TLL1: variants seen among roughly 807,000 people sequenced by gnomAD.
TLL1 encodes tolloid-like protein 1.
Under a neutral mutation model 128.2 loss-of-function variants are expected in TLL1, and 49 were observed. That is an observed-to-expected ratio of 0.38 (90% CI 0.30 to 0.48). The LOEUF is 0.48. Among genes scored for constraint, TLL1 ranks in the 20% least tolerant of loss-of-function variants. TLL1 has a pLI of 0.96. For missense variants in TLL1, 1,123 were observed against 1,242.0 expected (o/e 0.90, Z 1.44); for synonymous variants, 454 against 418.8 (o/e 1.08, Z -1.03).
intron 1 of TLL1, among the ~76,000 whole-genome samples, chr4:165,939,036 C>G (rs1733884315): frequency 6.6e-6 from 1 of 150,958 alleles, no homozygotes; most frequent in Non-Finnish European, 1.5e-5. Flanking sequence ...GAATATGTTT[C>G]TCAGCTATCT....
chr4:166,006,543 A>G (rs1490244765), intron 6 of TLL1, among the ~76,000 whole-genome samples: 1 of 151,770 alleles, frequency 6.6e-6, no homozygotes, highest in Admixed American at 6.6e-5. Context: ...ATAAAATTAG[A>G]TCCATAGCTT....
chr4:166,025,032 T>C (rs1015072508), intron 8 of TLL1, among the ~76,000 whole-genome samples: 3 of 152,170 alleles, frequency 2.0e-5, no homozygotes, highest in African/African-American at 7.2e-5. Context: ...GGCTACTGGC[T>C]CCTTGGAAAT....
chr4:165,918,098 A>T (rs4691226), intron 1 of TLL1, among the ~76,000 whole-genome samples: 77,774 of 152,028 alleles, frequency 0.51, 21,528 homozygotes, highest in East Asian at 0.98. Context: ...ATGCATAAGA[A>T]GATAGTATAG....
chr4:166,084,773 G>A (rs57205479), intron 18 of TLL1, among the ~76,000 whole-genome samples: 213 of 152,128 alleles, frequency 1.4e-3, no homozygotes, highest in African/African-American at 5.0e-3. Flanking sequence ...ACGCTGTTTC[G>A]GTTACAATAG....
At chr4:166,099,149 A>T in intron 19 of TLL1, 128 bp from the exon 20 acceptor site, 2 of 1,445,484 alleles carry the variant, frequency 1.4e-6, no homozygotes, top group South Asian at 1.2e-5. Flanking sequence ...TGTGGAAAAC[A>T]TATCTGACGC....
chr4:166,038,408 A>C (rs1161435122), intron 9 of TLL1, among the ~76,000 whole-genome samples: 4 of 152,070 alleles, frequency 2.6e-5, no homozygotes, highest in Non-Finnish European at 5.9e-5. Flanking sequence ...CACAATTTCT[A>C]GAGTAGAGAA....
At chr4:166,017,426 C>G (rs1025336897) in intron 8 of TLL1, among the ~76,000 whole-genome samples, 1 of 151,832 alleles carries the variant, frequency 6.6e-6, no homozygotes, top group Non-Finnish European at 1.5e-5. Flanking sequence ...TTCGGTGGTA[C>G]GATTTATTTT....
chr4:165,903,889 G>T (rs554008300), intron 1 of TLL1, among the ~76,000 whole-genome samples: 9 of 151,992 alleles, frequency 5.9e-5, no homozygotes, highest in Admixed American at 5.9e-4. Context: ...AATTCATCAA[G>T]GGGTATACAT....
At chr4:166,077,822 G>T (rs556966513) in intron 17 of TLL1, 81 bp from the exon 18 acceptor site, 1 of 1,598,498 alleles carries the variant, frequency 6.3e-7, no homozygotes, top group African/African-American at 1.3e-5. Context: ...CAACAGGGCA[G>T]TGGGTAAATA....
At chr4:165,889,837 T>A (rs1731317147) in intron 1 of TLL1, among the ~76,000 whole-genome samples, 1 of 152,226 alleles carries the variant, frequency 6.6e-6, no homozygotes, top group Admixed American at 6.5e-5. Flanking sequence ...TTGAATTGAT[T>A]TACATTGTTG....
intron 9 of TLL1, among the ~76,000 whole-genome samples, chr4:166,027,724 A>G (rs1318474108): frequency 1.3e-5 from 2 of 152,176 alleles, no homozygotes; most frequent in African/African-American, 2.4e-5. Context: ...AGTTTAAAGT[A>G]TACATGATTT....
intron 15 of TLL1, among the ~76,000 whole-genome samples, chr4:166,064,864 A>G (rs1297017757): frequency 6.6e-6 from 1 of 152,136 alleles, no homozygotes; most frequent in Non-Finnish European, 1.5e-5. Flanking sequence ...TTGAGTTGAC[A>G]TATTTCAAAG....
chr4:166,009,770 G>A (rs1358906561), intron 7 of TLL1, among the ~76,000 whole-genome samples: 1 of 150,990 alleles, frequency 6.6e-6, no homozygotes, highest in Non-Finnish European at 1.5e-5. Flanking sequence ...TTTGACATAG[G>A]TCTCATTCTG....
chr4:166,089,484 T>C (rs1560863981), intron 18 of TLL1, among the ~76,000 whole-genome samples: 1 of 152,170 alleles, frequency 6.6e-6, no homozygotes, highest in Non-Finnish European at 1.5e-5. Flanking sequence ...CAGAATCTTC[T>C]GCATCCTACG....
intron 3 of TLL1, among the ~76,000 whole-genome samples, chr4:165,993,866 T>A (rs1432787170): frequency 6.6e-6 from 1 of 152,110 alleles, no homozygotes; most frequent in East Asian, 1.9e-4. Context: ...TACGGGAGGC[T>A]GAGACCATAT....
At chr4:166,086,961 T>A (rs575871504) in intron 18 of TLL1, among the ~76,000 whole-genome samples, 2 of 152,242 alleles carry the variant, frequency 1.3e-5, no homozygotes, top group Admixed American at 1.3e-4. Context: ...ACAAAGAAAT[T>A]GCAGTCAAAA....
At chr4:165,998,531 T>C (rs570120593) in intron 5 of TLL1, among the ~76,000 whole-genome samples, 5 of 152,174 alleles carry the variant, frequency 3.3e-5, no homozygotes, top group Admixed American at 2.0e-4. Flanking sequence ...CGGTGGCTCA[T>C]GCCTGTAATC....
rs1503291 is a variant in TLL1 at position 165,927,815 on chromosome 4, C to T, written c.169+53742C>T. On this transcript the variant is annotated intron_variant, in intron 1 of 20. Coordinates refer to ENST00000061240, the MANE Select transcript of TLL1 (RefSeq NM_012464.5). ...CAATGCAAAGGAAAGCCCTCCACGA[C>T]AAAGAAATATCTTGTCCAAAATTAC... Among the ~76,000 whole-genome samples the T allele has an allele frequency of 1.8e-3, 273 of 152,310 alleles. 4 individuals are homozygous for T. Among genetic ancestry groups the T allele is most frequent in the Admixed American group, 0.013 (200 of 15,302 alleles).
intron 1 of TLL1, among the ~76,000 whole-genome samples, chr4:165,960,512 A>AAAG (rs1029268945): frequency 3.3e-5 from 5 of 152,114 alleles, no homozygotes; most frequent in Admixed American, 3.3e-4. Flanking sequence ...CACAACGAAA[A>AAAG]AAGAAGACTT....
Sources: gnomAD v4.1 joint callset for allele counts (sites outside exome capture counted in the v4.1 genomes callset) on GRCh38, gnomAD v4.1.1 for gene constraint, MANE v1.5 for transcripts, NCBI Gene and HGNC (gene_info 2026-07-23, HGNC 2026-07-21) for gene names.